Variants in TMPO observed in about 807,000 individuals in gnomAD.
TMPO encodes thymopoietin, also known as LEM domain containing 4.
Under a neutral mutation model 45.4 loss-of-function variants are expected in TMPO, and 22 were observed. The ratio of observed to expected loss-of-function variants is 0.48; its 90% CI spans 0.35 to 0.69. TMPO has a LOEUF of 0.69. TMPO is among the 30% of genes least tolerant of loss of function. The pLI is 0.01. For synonymous variants in TMPO, 241 were observed against 204.1 expected (o/e 1.18, Z -1.54); for missense variants, 512 against 548.8 (o/e 0.93, Z 0.67).
chr12:98,547,896 T>C lies in TMPO; in HGVS notation c.*38T>C. The C allele has an allele frequency of 6.2e-7, 1 of 1,607,062 alleles. No homozygotes were observed. The highest frequency in any genetic ancestry group is 8.5e-7 in the Non-Finnish European group (1 of 1,175,394). On this transcript the variant is annotated 3_prime_UTR_variant, in exon 9 of 9. Transcript: ENST00000556029. ...TGGCACGTTCAACTTGGTCTCCTAT[T>C]TTCAATAACTGTTGAAAAACATTTG...
At chr12:98,547,303 G>A (rs1878283421) in intron 8 of TMPO, among the ~76,000 whole-genome samples, 1 of 152,182 alleles carries the variant, frequency 6.6e-6, no homozygotes, top group East Asian at 1.9e-4. Context: ...TTGAACTCCT[G>A]ACCTCAGGTG....
intron 6 of TMPO, 83 bp downstream of exon 6, chr12:98,544,620 C>A: frequency 1.8e-6 from 2 of 1,102,074 alleles, no homozygotes; most frequent in Non-Finnish European, 2.6e-6. Flanking sequence ...TGAATTTTGG[C>A]AAATCTCAAA....
intron 1 of TMPO, among the ~76,000 whole-genome samples, chr12:98,518,573 A>G (rs1318224277): frequency 3.1e-5 from 4 of 130,948 alleles, no homozygotes; most frequent in Admixed American, 9.2e-5. Context: ...CTTGGTTCCT[A>G]TTTATTTTGA....
chr12:98,526,111 T>G (rs1397068819), intron 1 of TMPO, among the ~76,000 whole-genome samples: 3 of 152,234 alleles, frequency 2.0e-5, no homozygotes, highest in African/African-American at 4.8e-5. Context: ...AAATTAATTT[T>G]AAAACTTTCA....
At chr12:98,537,788 G>A in intron 4 of TMPO, 1 of 635,518 alleles carries the variant, frequency 1.6e-6, no homozygotes, top group Non-Finnish European at 2.8e-6. Context: ...TCTCATTTGT[G>A]TTTGAGTCTG....
chr12:98,521,054 C>T (rs1456373526), intron 1 of TMPO, among the ~76,000 whole-genome samples: 2 of 148,048 alleles, frequency 1.4e-5, no homozygotes, highest in African/African-American at 2.5e-5. Flanking sequence ...CCAAGATTAA[C>T]TATTTGCATG....
In TMPO at chr12:98,518,470, CTT is replaced by C. The variant is rs11437786; in HGVS notation, c.279+2347_279+2348del. Among the ~76,000 whole-genome samples, 134 of 83,504 alleles carry C rather than the reference CTT, an allele frequency of 1.6e-3. 1 individual carries two copies. Among genetic ancestry groups the C allele is most frequent in the African/African-American group, 5.7e-3 (112 of 19,778 alleles). 54.8% of individuals were successfully genotyped at this position (83,504 alleles called of 152,430 possible). ...CGCTACACCCGGCTAATTTTCTAATCTTTTTTTTTTTTTTTTTTTTTTTTGGT... is the reference window on the plus strand; with the variant it reads ...CGCTACACCCGGCTAATTTTCTAATCTTTTTTTTTTTTTTTTTTTTTTGGT... On this transcript the variant is annotated intron_variant, in intron 1 of 8. Transcript: ENST00000556029.
intron 8 of TMPO, 78 bp from the exon 9 acceptor site, chr12:98,547,495 A>C (rs550345912): frequency 1.3e-4 from 204 of 1,556,800 alleles, no homozygotes; most frequent in Admixed American, 5.5e-4. Flanking sequence ...TAGGAGTGGC[A>C]ATGACATTTT....
intron 1 of TMPO, among the ~76,000 whole-genome samples, chr12:98,524,265 A>G (rs1319865886): frequency 6.6e-6 from 1 of 152,180 alleles, no homozygotes; most frequent in Non-Finnish European, 1.5e-5. Context: ...ACCTTTCCAA[A>G]TAGAGGTAAC....
At position 98,533,994 on chromosome 12, in the gene TMPO, A is replaced by G. The variant is rs779688329; in HGVS notation, c.565+2156A>G. On this transcript the variant is annotated intron_variant, in intron 3 of 8. Transcript: ENST00000556029. ...GAGCATATGAAGCTGCAGCATCAGC[A>G]TTGCAGATTGCAACTCACACTGCCT... The G allele has an allele frequency of 5.0e-6, 8 of 1,608,416 alleles. No individual in the cohort carries two copies. The highest frequency in any genetic ancestry group is 1.7e-6 in the Non-Finnish European group (2 of 1,175,964).
rs764590460 is a variant in TMPO at position 98,516,007 on chromosome 12, C to G, written c.140C>G (p.Ala47Gly). 1.2e-6 allele frequency: 2 copies of G among 1,610,848 alleles called. No individual in the cohort carries two copies. Among genetic ancestry groups the G allele is most frequent in the Admixed American group, 1.7e-5 (1 of 59,926 alleles). ...YVQLYLQHLTARNRPPLPAGT... is the reference protein window; with the variant it reads ...YVQLYLQHLTGRNRPPLPAGT... ...CAGCTCTACCTGCAGCACCTCACGG[C>G]TCGCAACCGGCCGCCGCTCCCCGCC... Residue 47 changes from alanine to glycine, a missense_variant, in exon 1 of 9, where the codon GCT becomes GGT. By Grantham distance (60) the Ala-to-Gly change is moderately conservative (BLOSUM62 0). Transcript: ENST00000556029.
intron 3 of TMPO, chr12:98,534,303 A>T: frequency 6.2e-7 from 1 of 1,613,160 alleles, no homozygotes; most frequent in Non-Finnish European, 8.5e-7. Context: ...TTGGAGGAGA[A>T]GTATGCAAAG....
At chr12:98,544,707 T>G (rs1878118359) in intron 6 of TMPO, 170 bp downstream of exon 6, 2 of 655,738 alleles carry the variant, frequency 3.1e-6, no homozygotes, top group Admixed American at 5.8e-5. Context: ...TTTCCTATAA[T>G]ATCCAATTTA....
At chr12:98,536,063 A>G (rs1299795449) in intron 3 of TMPO, among the ~76,000 whole-genome samples, 1 of 152,210 alleles carries the variant, frequency 6.6e-6, no homozygotes, top group Non-Finnish European at 1.5e-5. Context: ...AGTCCTAAAT[A>G]AAGACTGAAC....
intron 3 of TMPO, chr12:98,533,770 G>T (rs1438230077): frequency 6.2e-7 from 1 of 1,614,074 alleles, no homozygotes; most frequent in Non-Finnish European, 8.5e-7. Flanking sequence ...AATTGAAGAA[G>T]AATGGCAGCA....
chr12:98,538,220 T>G (rs890092376), intron 4 of TMPO, among the ~76,000 whole-genome samples: 5 of 152,212 alleles, frequency 3.3e-5, no homozygotes, highest in South Asian at 4.1e-4. Flanking sequence ...AGAGAACAAA[T>G]TATTGACTAA....
chr12:98,517,037 CT>C (rs1486919903), intron 1 of TMPO, among the ~76,000 whole-genome samples: 2 of 152,218 alleles, frequency 1.3e-5, no homozygotes, highest in African/African-American at 4.8e-5. Context: ...TCTCGAACTC[CT>C]GACCTCAGGT....
chr12:98,516,267 C>T (rs1212985239), intron 1 of TMPO, 121 bp downstream of exon 1: 5 of 1,253,720 alleles, frequency 4.0e-6, no homozygotes, highest in Non-Finnish European at 5.0e-6. Context: ...CGGGGCTGTC[C>T]CTGCGCCCCC....
chr12:98,532,819 A>G lies in TMPO; in HGVS notation c.565+981A>G, dbSNP rs886049911. 5 of 1,614,162 alleles carry G rather than the reference A, an allele frequency of 3.1e-6. No homozygotes were observed. The South Asian group carries it at 3.3e-5, about 11-fold the overall frequency. On this transcript the variant is annotated intron_variant, in intron 3 of 8. Transcript: ENST00000556029. ...TAAACTTCCTGCCTCTTTTGCCTCT[A>G]CAGGAAAGAAGAAAGAACACAAGAA...
Sources: allele counts gnomAD v4.1 joint callset (sites outside exome capture counted in the v4.1 genomes callset), GRCh38; gene constraint gnomAD v4.1.1; transcripts MANE v1.5; gene names NCBI Gene and HGNC (gene_info 2026-07-23, HGNC 2026-07-21).